Variants in XIRP2 observed in about 807,000 individuals in gnomAD.
XIRP2 encodes the protein xin actin-binding repeat-containing protein 2.
Under a neutral mutation model 277.0 loss-of-function variants are expected in XIRP2, and 236 were observed. The ratio of observed to expected loss-of-function variants is 0.85; its 90% CI spans 0.77 to 0.95. The LOEUF (loss-of-function observed/expected upper bound fraction) is 0.95. XIRP2 is among the 40% of genes least tolerant of loss of function. The probability of loss-of-function intolerance (pLI) is 0.00; values close to 1 mark genes in which losing one functional copy is unlikely to be tolerated. For synonymous variants in XIRP2, 1,490 were observed against 1,416.5 expected, an observed-to-expected ratio of 1.05 and a Z score of -1.17; for missense variants, 4,640 against 4,157.5, an observed-to-expected ratio of 1.12 and a Z score of -3.19.
rs752839259 is a variant in XIRP2, at chr2:167,250,769, T to A, written c.9377T>A (p.Ile3126Lys). 3 of 1,613,370 alleles carry A rather than the reference T, an allele frequency of 1.9e-6. No homozygotes were observed. Among genetic ancestry groups the A allele is most frequent in the Admixed American group, 3.3e-5 (2 of 59,938 alleles). ...CCACCGTCACCAACTTTTATCACAATAGAATCTACTGCCCGACGAACAGAA... is the reference window on the plus strand; with the variant it reads ...CCACCGTCACCAACTTTTATCACAAAAGAATCTACTGCCCGACGAACAGAA... The part of the protein sequence containing the change: ...TRPPSPTFIT[I>K]ESTARRTENP... Residue 3126 changes from isoleucine to lysine, a missense_variant, in exon 9 of 11, where the codon ATA (isoleucine) becomes AAA (lysine). Physicochemically the swap from Ile to Lys is moderately radical, Grantham distance 102. Coordinates refer to ENST00000409195, the MANE Select transcript of XIRP2 (RefSeq NM_152381.6).
intron 2 of XIRP2, among the ~76,000 whole-genome samples, chr2:166,916,240 G>A (rs1684875348): frequency 1.3e-5 from 2 of 152,076 alleles, no homozygotes. Flanking sequence ...CATTTCATTA[G>A]ATGCTAGAAT....
intron 3 of XIRP2, among the ~76,000 whole-genome samples, chr2:167,149,268 G>A (rs1405541076): frequency 1.3e-5 from 2 of 152,032 alleles, no homozygotes; most frequent in African/African-American, 2.4e-5. Context: ...TGCAGATAGC[G>A]GAAGCAAAAT....
chr2:167,087,824 G>C (rs1039732509), intron 2 of XIRP2, among the ~76,000 whole-genome samples: 4 of 152,034 alleles, frequency 2.6e-5, no homozygotes, highest in African/African-American at 9.7e-5. Flanking sequence ...TGCACCCACT[G>C]ACCTGCGCCC....
intron 2 of XIRP2, among the ~76,000 whole-genome samples, chr2:167,113,523 A>G (rs1325679414): frequency 1.3e-5 from 2 of 152,004 alleles, no homozygotes; most frequent in Non-Finnish European, 1.5e-5. Context: ...CTTCATTTTG[A>G]GCCTATGGAT....
chr2:167,019,378 G>A (rs186808369), intron 2 of XIRP2, among the ~76,000 whole-genome samples: 1 of 152,126 alleles, frequency 6.6e-6, no homozygotes, highest in African/African-American at 2.4e-5. Flanking sequence ...AAGGTTAGCA[G>A]GTAAGTTACT....
chr2:167,155,950 A>G (rs1211748389), intron 3 of XIRP2, among the ~76,000 whole-genome samples: 1 of 150,244 alleles, frequency 6.7e-6, no homozygotes, highest in Non-Finnish European at 1.5e-5. Flanking sequence ...TTATACACCA[A>G]TAACAGACAA....
chr2:167,148,005 GT>G (rs1193775712), intron 3 of XIRP2, among the ~76,000 whole-genome samples: 1 of 152,012 alleles, frequency 6.6e-6, no homozygotes, highest in African/African-American at 2.4e-5. Context: ...AGTTTTAGGA[GT>G]AAAAAATTAA....
intron 10 of XIRP2, among the ~76,000 whole-genome samples, 175 bp from the exon 11 acceptor site, chr2:167,257,682 T>A (rs1246997607): frequency 6.6e-6 from 1 of 151,974 alleles, no homozygotes; most frequent in Non-Finnish European, 1.5e-5. Context: ...AAGACATACA[T>A]CATATAAAGT....
intron 2 of XIRP2, among the ~76,000 whole-genome samples, chr2:167,066,302 C>T (rs1689302265): frequency 6.6e-6 from 1 of 151,774 alleles, no homozygotes; most frequent in Admixed American, 6.6e-5. Flanking sequence ...ATTTTAGATA[C>T]CTCATATATT....
intron 3 of XIRP2, among the ~76,000 whole-genome samples, chr2:167,170,004 A>C (rs1692637408): frequency 6.6e-6 from 1 of 152,150 alleles, no homozygotes; most frequent in Non-Finnish European, 1.5e-5. Flanking sequence ...ATATAGAAAA[A>C]GCATTCATTT....
rs1000181688 is a variant in XIRP2 at position 167,043,074 on chromosome 2, T to C, written c.409-92835T>C. Among the ~76,000 whole-genome samples the C allele has an allele frequency of 2.6e-5, 4 of 152,258 alleles. No homozygotes were observed. In the East Asian group the frequency reaches 5.8e-4, roughly 22 times the overall value. ...ACATGGAAGTTAAACAACCTGCTTC[T>C]GAATGATGTCTAGGTAAAGTATGAA... is the stretch of plus-strand genomic sequence containing the variant. On this transcript the variant is annotated intron_variant, in intron 2 of 10. Transcript: ENST00000409195.
intron 2 of XIRP2, among the ~76,000 whole-genome samples, chr2:167,022,987 G>T (rs1688029242): frequency 6.6e-6 from 1 of 152,096 alleles, no homozygotes; most frequent in African/African-American, 2.4e-5. Context: ...GGATGGCTGG[G>T]TCAAATGGTA....
chr2:167,046,370 T>C (rs1672093035), intron 2 of XIRP2, among the ~76,000 whole-genome samples: 2 of 151,942 alleles, frequency 1.3e-5, no homozygotes, highest in Non-Finnish European at 2.9e-5. Flanking sequence ...TATTTTTAGG[T>C]ATGTCACTTT....
At chr2:167,063,974 C>T (rs980325495) in intron 2 of XIRP2, among the ~76,000 whole-genome samples, 1 of 151,536 alleles carries the variant, frequency 6.6e-6, no homozygotes, top group Non-Finnish European at 1.5e-5. Flanking sequence ...TCAATGATTA[C>T]AATTACTTTC....
At chr2:167,082,336 G>T (rs13401523) in intron 2 of XIRP2, among the ~76,000 whole-genome samples, 7,932 of 151,886 alleles carry the variant, frequency 0.052, 271 homozygotes, top group Middle Eastern at 0.15. Context: ...TTCTTAATCC[G>T]GTCTATCATT....
intron 2 of XIRP2, among the ~76,000 whole-genome samples, chr2:167,087,039 T>C (rs1013996901): frequency 4.6e-5 from 7 of 150,892 alleles, no homozygotes; most frequent in Admixed American, 3.3e-4. Context: ...GAGTTTCCAG[T>C]TTTTCTGTTC....
At chr2:167,118,291 C>A (rs1690951789) in intron 2 of XIRP2, among the ~76,000 whole-genome samples, 1 of 151,838 alleles carries the variant, frequency 6.6e-6, no homozygotes, top group Admixed American at 6.6e-5. Context: ...ACCAGTCTGG[C>A]CAACATGGTG....
At chr2:167,240,542 C>T in intron 6 of XIRP2, 122 bp from the exon 7 acceptor site, 1 of 741,566 alleles carries the variant, frequency 1.3e-6, no homozygotes, top group Non-Finnish European at 2.3e-6. Flanking sequence ...GCTTAATTAG[C>T]ATCTCTCAAT....
chr2:167,093,735 G>A (rs1453824015), intron 2 of XIRP2, among the ~76,000 whole-genome samples: 1 of 152,070 alleles, frequency 6.6e-6, no homozygotes, highest in Non-Finnish European at 1.5e-5. Context: ...ATTTGGGTTG[G>A]TTCCAAGTCT....
Sources: gnomAD v4.1 joint callset for allele counts (sites outside exome capture counted in the v4.1 genomes callset) on GRCh38, gnomAD v4.1.1 for gene constraint, MANE v1.5 for transcripts, NCBI Gene and HGNC (gene_info 2026-07-23, HGNC 2026-07-21) for gene names.